The following PCDHA11 variants were observed in gnomAD, a reference collection of about 807,000 sequenced individuals.
PCDHA11 encodes protocadherin alpha-11.
In PCDHA11, 61 loss-of-function variants were observed where a neutral mutation model predicts 70.3. The ratio of observed to expected loss-of-function variants is 0.87; its 90% CI spans 0.71 to 1.07. The LOEUF is 1.07. PCDHA11 is among the 50% of genes least tolerant of loss of function. PCDHA11 has a pLI of 0.00. For missense variants in PCDHA11, 1,324 were observed against 1,237.5 expected (o/e 1.07, Z -1.05); for synonymous variants, 633 against 555.1 (o/e 1.14, Z -1.97).
chr5:140,881,300 T>C, intron 1 of PCDHA11: 3 of 957,608 alleles, frequency 3.1e-6, no homozygotes, highest in Non-Finnish European at 3.7e-6. Flanking sequence ...ATGGAAACTT[T>C]AACCTCCTGG....
intron 1 of PCDHA11, among the ~76,000 whole-genome samples, chr5:140,916,747 G>T (rs1445361224): frequency 2.6e-5 from 4 of 152,220 alleles, no homozygotes; most frequent in African/African-American, 9.6e-5. Context: ...TTCACTGCCT[G>T]GGATTAGGGG....
chr5:140,874,567 G>A (rs2055003260), intron 1 of PCDHA11, among the ~76,000 whole-genome samples: 1 of 152,180 alleles, frequency 6.6e-6, no homozygotes, highest in African/African-American at 2.4e-5. Flanking sequence ...GCATTTTAGT[G>A]CTCCATTGTT....
chr5:140,931,136 C>T (rs2087318079), intron 1 of PCDHA11, among the ~76,000 whole-genome samples: 1 of 152,166 alleles, frequency 6.6e-6, no homozygotes, highest in African/African-American at 2.4e-5. Context: ...GTGATATTTG[C>T]AGTGGATACT....
At chr5:140,883,825 G>T in intron 1 of PCDHA11, 1 of 1,612,576 alleles carries the variant, frequency 6.2e-7, no homozygotes, top group South Asian at 1.1e-5. Context: ...AGGTGTACGC[G>T]CTGCAGCCGT....
chr5:140,876,862 G>A (rs1554169053), intron 1 of PCDHA11: 2 of 1,614,168 alleles, frequency 1.2e-6, no homozygotes, highest in Non-Finnish European at 1.7e-6. Context: ...CACAGTGTTC[G>A]TGAAGGAGAA....
At chr5:140,880,521 A>G (rs1166001900) in intron 1 of PCDHA11, among the ~76,000 whole-genome samples, 1 of 152,260 alleles carries the variant, frequency 6.6e-6, no homozygotes, top group Non-Finnish European at 1.5e-5. Context: ...ACATCTCTCA[A>G]TGTGTGAATC....
chr5:140,876,729 G>C lies in PCDHA11; in HGVS notation c.2391+5235G>C, dbSNP rs781841207. The C allele has an allele frequency of 3.1e-6, 5 of 1,614,102 alleles. No homozygotes were observed. The East Asian group carries it at 6.7e-5, about 22-fold the overall frequency. On this transcript the variant is annotated intron_variant, in intron 1 of 3. Transcript: ENST00000398640. ...GCGCCCTGGACCGCGAGAGCGTGTC[G>C]GCCTATGAGCTGGTGGTGACTGCGC...
At chr5:140,883,387 T>C in intron 1 of PCDHA11, 1 of 1,614,150 alleles carries the variant, frequency 6.2e-7, no homozygotes, top group Non-Finnish European at 8.5e-7. Flanking sequence ...CCCTAATCAG[T>C]GTGTCCGATC....
intron 1 of PCDHA11, among the ~76,000 whole-genome samples, chr5:140,931,556 A>T (rs2153608416): frequency 6.6e-6 from 1 of 152,166 alleles, no homozygotes; most frequent in East Asian, 1.9e-4. Context: ...ATGTGCAGGA[A>T]TATTGTACCA....
intron 3 of PCDHA11, among the ~76,000 whole-genome samples, chr5:140,989,192 C>A (rs1458235302): frequency 6.6e-6 from 1 of 152,192 alleles, no homozygotes; most frequent in African/African-American, 2.4e-5. Context: ...GAATTACCCT[C>A]CCTTCTAGCT....
intron 3 of PCDHA11, among the ~76,000 whole-genome samples, chr5:140,990,875 G>A: frequency 6.6e-6 from 1 of 152,198 alleles, no homozygotes; most frequent in East Asian, 1.9e-4. Flanking sequence ...TTAAGTGTAT[G>A]TTCCAGTGAG....
In PCDHA11 at chr5:140,891,823, C is replaced by T. The variant is rs186209593; in HGVS notation, c.2391+20329C>T. On this transcript the variant is annotated intron_variant, in intron 1 of 3. Transcript: ENST00000398640. ...TGCCCTCATGAATAAATTAACGGCACTGTAAAAGGACTTGATGGAAGGAGC... is the reference window on the plus strand; with the variant it reads ...TGCCCTCATGAATAAATTAACGGCATTGTAAAAGGACTTGATGGAAGGAGC... Among the ~76,000 whole-genome samples, 1,217 of 152,254 alleles carry T rather than the reference C, an allele frequency of 8.0e-3. 6 individuals carry two copies. The highest frequency in any genetic ancestry group is 0.019 in the African/African-American group (784 of 41,536).
Position 140,888,304 on chromosome 5 carries a change from T to C in PCDHA11, c.2391+16810T>C, listed in dbSNP as rs560267265. Among the ~76,000 whole-genome samples the C allele has an allele frequency of 9.2e-5, 14 of 152,272 alleles. No homozygotes were observed. The South Asian group carries it at 2.7e-3, about 29-fold the overall frequency. On this transcript the variant is annotated intron_variant, in intron 1 of 3. Transcript: ENST00000398640. The stretch of plus-strand genomic sequence containing the variant: ...CCTCTACCCCCTACCCAGGAGATAA[T>C]TTGGCAATGCCTGGATACATTTTTG...
At chr5:140,929,530 G>A in intron 1 of PCDHA11, 1 of 636,248 alleles carries the variant, frequency 1.6e-6, no homozygotes, top group Non-Finnish European at 2.3e-6. Flanking sequence ...GTTTATTTTT[G>A]AGAAACAAGG....
chr5:140,940,983 C>G lies in PCDHA11; in HGVS notation c.2392-37966C>G, dbSNP rs572659107. On this transcript the variant is annotated intron_variant, in intron 1 of 3. Coordinates refer to ENST00000398640, the MANE Select transcript of PCDHA11 (RefSeq NM_018902.5). ...ATGCAGGATATCTGGTATCTAGTTA[C>G]AAGTTTATAGGATTAAATTTTCCTT... 3.9e-5 allele frequency among the ~76,000 whole-genome samples: 6 copies of G among 152,294 alleles called. No homozygotes were observed. In the South Asian group the frequency reaches 1.0e-3, roughly 26 times the overall value.
At chr5:140,966,622 G>C in intron 1 of PCDHA11, 1 of 854,486 alleles carries the variant, frequency 1.2e-6, no homozygotes, top group Non-Finnish European at 1.6e-6. Flanking sequence ...TACGGAGGGA[G>C]CGGCCCCAGG....
intron 1 of PCDHA11, chr5:140,927,406 G>C: frequency 6.2e-7 from 1 of 1,614,210 alleles, no homozygotes; most frequent in East Asian, 2.2e-5. Context: ...CTTTCGCCTG[G>C]ACATGGGATC....
intron 1 of PCDHA11, among the ~76,000 whole-genome samples, chr5:140,910,781 A>G (rs1402088509): frequency 3.9e-5 from 6 of 152,220 alleles, no homozygotes; most frequent in Non-Finnish European, 8.8e-5. Flanking sequence ...AAGCTGCAAC[A>G]TTAAATGCAG....
intron 1 of PCDHA11, chr5:140,968,789 G>T (rs782339889): frequency 1.9e-6 from 3 of 1,614,180 alleles, no homozygotes; most frequent in South Asian, 1.1e-5. Flanking sequence ...AGCCTCTGTG[G>T]CCATTACAGT....
Sources: allele counts gnomAD v4.1 joint callset (sites outside exome capture counted in the v4.1 genomes callset), GRCh38; gene constraint gnomAD v4.1.1; transcripts MANE v1.5; gene names NCBI Gene and HGNC (gene_info 2026-07-23, HGNC 2026-07-21).